AFMID: variants seen among roughly 807,000 people sequenced by gnomAD.
AFMID encodes the protein kynurenine formamidase.
Under a neutral mutation model 47.5 loss-of-function variants are expected in AFMID, and 39 were observed. The ratio of observed to expected loss-of-function variants is 0.82; its 90% CI spans 0.64 to 1.07. AFMID has a LOEUF of 1.07. AFMID is among the 50% of genes least tolerant of loss of function. The pLI is 0.00. For synonymous variants in AFMID, 130 were observed against 153.2 expected, an observed-to-expected ratio of 0.85 and a Z score of 1.12; for missense variants, 375 against 387.5, an observed-to-expected ratio of 0.97 and a Z score of 0.27.
chr17:78,201,509 C>T (rs908378665), intron 2 of AFMID, among the ~76,000 whole-genome samples: 1 of 152,066 alleles, frequency 6.6e-6, no homozygotes, highest in African/African-American at 2.4e-5. Flanking sequence ...ATCCCAGCTA[C>T]TCAGGAGGCT....
At chr17:78,206,414 T>C (rs1156488742) in intron 10 of AFMID, among the ~76,000 whole-genome samples, 4 of 145,178 alleles carry the variant, frequency 2.8e-5, no homozygotes, top group East Asian at 4.0e-4. Context: ...TGTTTCTTTC[T>C]TTTTTTTTTT....
intron 1 of AFMID, chr17:78,190,579 A>T: frequency 5.6e-6 from 1 of 177,518 alleles, no homozygotes; most frequent in Non-Finnish European, 1.2e-5. Context: ...TTCAGTAGAG[A>T]TGGGGTTTTG....
At chr17:78,206,092 C>CAGGTCCTG in intron 10 of AFMID, 42 bp downstream of exon 10, 1 of 1,562,056 alleles carries the variant, frequency 6.4e-7, no homozygotes, top group Non-Finnish European at 8.8e-7. Flanking sequence ...GTAGACAGCA[C>CAGGTCCTG]AGGTCCTGTC....
chr17:78,199,481 TCTC>T (rs950403635), intron 2 of AFMID, among the ~76,000 whole-genome samples: 2 of 151,968 alleles, frequency 1.3e-5, no homozygotes, highest in African/African-American at 2.4e-5. Context: ...TTCAAGCAAT[TCTC>T]CTTCCTCAGC....
chr17:78,194,110 G>T (rs1163879806), intron 2 of AFMID, among the ~76,000 whole-genome samples: 2 of 145,340 alleles, frequency 1.4e-5, no homozygotes, highest in Non-Finnish European at 3.0e-5. Context: ...TATGTATTGG[G>T]TTTTTTTTTT....
intron 2 of AFMID, chr17:78,197,066 T>C: frequency 7.9e-7 from 1 of 1,260,384 alleles, no homozygotes; most frequent in Non-Finnish European, 1.1e-6. Context: ...TGCTTGGTTT[T>C]AATGGCCATT....
In AFMID at chr17:78,197,766, C is replaced by T. The variant is rs202042966; in HGVS notation, c.155-4733C>T. Among the ~76,000 whole-genome samples the T allele has an allele frequency of 1.7e-4, 26 of 152,000 alleles. No individual in the cohort carries two copies. The East Asian group carries it at 4.7e-3, about 27-fold the overall frequency. On this transcript the variant is annotated intron_variant, in intron 2 of 10. Coordinates refer to ENST00000409257, the MANE Select transcript of AFMID (RefSeq NM_001010982.5). ...GGTCTCAGTGCAGATGGGGAGGAGA[C>T]TCTAGACCCAGGACAAGCAGTGGAG...
intron 1 of AFMID, 111 bp downstream of exon 1, chr17:78,187,544 T>C (rs949019847): frequency 1.5e-5 from 19 of 1,228,238 alleles, no homozygotes; most frequent in Admixed American, 1.9e-5. Flanking sequence ...CCTGTGGGCA[T>C]GCAGAGCGCC....
chr17:78,194,262 A>G (rs1426266905), intron 2 of AFMID, among the ~76,000 whole-genome samples: 1 of 151,812 alleles, frequency 6.6e-6, no homozygotes, highest in Non-Finnish European at 1.5e-5. Context: ...AGTAGCTGGA[A>G]TTTACAGGCG....
rs34018698 is a variant in AFMID at position 78,187,960 on chromosome 17, C to CAA, written c.63+555_63+556dup. Among the ~76,000 whole-genome samples, 92 of 56,658 alleles carry CAA rather than the reference C, an allele frequency of 1.6e-3. 4 individuals carry two copies. In the East Asian group the frequency reaches 0.02, roughly 13 times the overall value. 37.2% of individuals were successfully genotyped at this position (56,658 alleles called of 152,430 possible). A position where few individuals can be genotyped will look rare whatever the true frequency, so the allele number is the denominator to read the frequency against. On this transcript the variant is annotated intron_variant, in intron 1 of 10. Coordinates refer to ENST00000409257, the MANE Select transcript of AFMID (RefSeq NM_001010982.5). Reference sequence around the variant, plus strand: ...TGGGCGATAGACCAAGACTTAGTCTCAAAAAAAAAAAAAAAAAAAAAAAAA... The same window carrying CAA: ...TGGGCGATAGACCAAGACTTAGTCTCAAAAAAAAAAAAAAAAAAAAAAAAAAA...
intron 1 of AFMID, among the ~76,000 whole-genome samples, chr17:78,190,161 C>T (rs2075926026): frequency 1.3e-5 from 2 of 151,414 alleles, no homozygotes; most frequent in African/African-American, 4.8e-5. Context: ...ATTCTCCAAA[C>T]TGCCTCAGAA....
chr17:78,199,216 A>G (rs2076186826), intron 2 of AFMID, among the ~76,000 whole-genome samples: 1 of 152,186 alleles, frequency 6.6e-6, no homozygotes, highest in Non-Finnish European at 1.5e-5. Flanking sequence ...GCTTTAATCC[A>G]TCCAGCTGAA....
In AFMID at chr17:78,207,062, G is replaced by C; in HGVS notation, c.*125G>C. Reference sequence around the variant, plus strand: ...CACCCAGGAGAGCCTTGCTGTGTCTGTCTGCCCGGCAAGAGTCCATTCTCA... The same window carrying C: ...CACCCAGGAGAGCCTTGCTGTGTCTCTCTGCCCGGCAAGAGTCCATTCTCA... On this transcript the variant is annotated 3_prime_UTR_variant, in exon 11 of 11. Transcript: ENST00000409257. The C allele has an allele frequency of 9.6e-7, 1 of 1,039,420 alleles. No individual in the cohort carries two copies. Among genetic ancestry groups the C allele is most frequent in the Non-Finnish European group, 1.5e-6 (1 of 668,478 alleles). The allele number at this position is 1,039,420 out of a possible 1,614,324, so 64.4% of individuals were successfully genotyped here. A position where few individuals can be genotyped will look rare whatever the true frequency, so the allele number is the denominator to read the frequency against.
intron 2 of AFMID, 62 bp from the exon 3 acceptor site, chr17:78,202,432 AAAAAG>A (rs1479547668): frequency 2.6e-6 from 4 of 1,534,194 alleles, no homozygotes; most frequent in East Asian, 2.3e-5. Flanking sequence ...TCGTCTCAAA[AAAAAG>A]AAAAGAAAAA....
At chr17:78,188,627 C>T (rs544941886) in intron 1 of AFMID, among the ~76,000 whole-genome samples, 169 of 151,702 alleles carry the variant, frequency 1.1e-3, no homozygotes, top group African/African-American at 3.7e-3. Context: ...GACAGAGTCT[C>T]GCTCTATCGC....
chr17:78,206,106 G>T (rs1406671571), intron 10 of AFMID, 56 bp downstream of exon 10: 2 of 1,496,994 alleles, frequency 1.3e-6, no homozygotes. Context: ...TCCTGTCGCA[G>T]CCCCTTAGAT....
rs181632916 is a variant in AFMID, at chr17:78,204,725, C to T, written c.378C>T (p.Tyr126=). 9 of 1,614,168 alleles carry T rather than the reference C, an allele frequency of 5.6e-6. No individual in the cohort carries two copies. The highest frequency in any genetic ancestry group is 3.3e-4 in the Middle Eastern group (2 of 6,062). Residue 126 remains tyrosine, a synonymous_variant, in exon 5 of 11, where the codon TAC becomes TAT. Coordinates refer to ENST00000409257, the MANE Select transcript of AFMID (RefSeq NM_001010982.5). ...AQGVAVVIVA[Y]GIAPKGTLDH... ...GAGTGGCCGTGGTAATAGTGGCTTACGGCATCGCCCCCAAAGGTAATAGGA... is the reference window on the plus strand; with the variant it reads ...GAGTGGCCGTGGTAATAGTGGCTTATGGCATCGCCCCCAAAGGTAATAGGA...
intron 1 of AFMID, among the ~76,000 whole-genome samples, chr17:78,189,643 C>T (rs752743718): frequency 4.6e-5 from 7 of 151,634 alleles, no homozygotes; most frequent in African/African-American, 9.7e-5. Context: ...CTTAGCCTCC[C>T]GAATAGCTAG....
At chr17:78,200,275 C>A (rs992933609) in intron 2 of AFMID, among the ~76,000 whole-genome samples, 2 of 152,166 alleles carry the variant, frequency 1.3e-5, no homozygotes, top group Non-Finnish European at 2.9e-5. Context: ...CTGCCTCAGC[C>A]TCCCAAGTAG....
Sources: allele counts gnomAD v4.1 joint callset (sites outside exome capture counted in the v4.1 genomes callset), GRCh38; gene constraint gnomAD v4.1.1; transcripts MANE v1.5; gene names NCBI Gene and HGNC (gene_info 2026-07-23, HGNC 2026-07-21).